GRIA4: variants seen among roughly 807,000 people sequenced by gnomAD.
GRIA4 encodes glutamate receptor 4.
A neutral mutation model predicts 104.0 loss-of-function variants in GRIA4; 34 were observed. The ratio of observed to expected loss-of-function variants is 0.33; its 90% CI spans 0.25 to 0.44. The LOEUF is 0.44. Among genes scored for constraint, GRIA4 ranks in the 20% least tolerant of loss-of-function variants. The pLI is 1.00. For synonymous variants in GRIA4, 386 were observed against 381.9 expected, an observed-to-expected ratio of 1.01 and a Z score of -0.13; for missense variants, 750 against 1,096.5, an observed-to-expected ratio of 0.68 and a Z score of 4.46.
At chr11:105,850,938 C>A (rs1944785329) in intron 4 of GRIA4, among the ~76,000 whole-genome samples, 1 of 151,978 alleles carries the variant, frequency 6.6e-6, no homozygotes, top group South Asian at 2.1e-4. Context: ...GTATTATAGA[C>A]CATATCATGA....
chr11:105,791,898 A>C (rs1174412930), intron 4 of GRIA4, among the ~76,000 whole-genome samples: 8 of 152,168 alleles, frequency 5.3e-5, no homozygotes, highest in African/African-American at 1.9e-4. Context: ...CAGGATGACA[A>C]ATAGGAAATG....
intron 11 of GRIA4, 48 bp downstream of exon 11, chr11:105,918,966 T>G: frequency 9.1e-7 from 1 of 1,099,250 alleles, no homozygotes. Context: ...CACCTGAAAC[T>G]TCTTTTCCCT....
chr11:105,887,441 C>T, intron 5 of GRIA4, 78 bp from the exon 6 acceptor site: 1 of 658,018 alleles, frequency 1.5e-6, no homozygotes, highest in Non-Finnish European at 2.6e-6. Context: ...TGGAATTATG[C>T]TAAAATAGAT....
At chr11:105,840,883 A>G (rs1383288415) in intron 4 of GRIA4, among the ~76,000 whole-genome samples, 2 of 152,124 alleles carry the variant, frequency 1.3e-5, no homozygotes, top group Non-Finnish European at 2.9e-5. Flanking sequence ...AAAGGTTTTG[A>G]CCTTTCTTTA....
chr11:105,675,925 G>A (rs574117417), intron 3 of GRIA4, among the ~76,000 whole-genome samples: 26 of 151,824 alleles, frequency 1.7e-4, no homozygotes, highest in East Asian at 1.4e-3. Context: ...CTAGTCTGGC[G>A]TTAGTAATTC....
At chr11:105,655,295 CTT>C (rs371822907) in intron 3 of GRIA4, among the ~76,000 whole-genome samples, 2 of 152,166 alleles carry the variant, frequency 1.3e-5, no homozygotes, top group African/African-American at 4.8e-5. Flanking sequence ...ATTTTGAAGA[CTT>C]TGAGTAGTTA....
At chr11:105,853,548 T>C (rs1944896246) in intron 4 of GRIA4, among the ~76,000 whole-genome samples, 1 of 152,158 alleles carries the variant, frequency 6.6e-6, no homozygotes, top group African/African-American at 2.4e-5. Flanking sequence ...AGTTTTCAGC[T>C]CATTCCGATG....
chr11:105,837,795 A>G (rs1352974833), intron 4 of GRIA4, among the ~76,000 whole-genome samples: 1 of 152,174 alleles, frequency 6.6e-6, no homozygotes, highest in African/African-American at 2.4e-5. Context: ...TAAGACAAAA[A>G]TATTGAAAAT....
At chr11:105,625,247 C>T (rs986272002) in intron 3 of GRIA4, among the ~76,000 whole-genome samples, 8 of 152,070 alleles carry the variant, frequency 5.3e-5, no homozygotes, top group Non-Finnish European at 1.0e-4. Context: ...AGGCCTATTA[C>T]AGTGTCTGGA....
At position 105,667,103 on chromosome 11, in the gene GRIA4, T is replaced by A. The variant is rs549644555; in HGVS notation, c.247+54669T>A. Among the ~76,000 whole-genome samples the A allele has an allele frequency of 2.0e-5, 3 of 152,132 alleles. No individual in the cohort carries two copies. The East Asian group carries it at 5.8e-4, about 29-fold the overall frequency. On this transcript the variant is annotated intron_variant, in intron 3 of 16. Transcript: ENST00000282499. ...TCAGAGCCAGTTAAAATACACATTC[T>A]GTGGACAAGATAATTCAACTCAGAA...
At chr11:105,882,147 T>C (rs1565312665) in intron 5 of GRIA4, among the ~76,000 whole-genome samples, 2 of 152,176 alleles carry the variant, frequency 1.3e-5, no homozygotes, top group Non-Finnish European at 2.9e-5. Flanking sequence ...CTCATGACAA[T>C]AAGTTGTCAG....
At chr11:105,796,238 C>G (rs1283109445) in intron 4 of GRIA4, among the ~76,000 whole-genome samples, 3 of 152,160 alleles carry the variant, frequency 2.0e-5, no homozygotes, top group Non-Finnish European at 2.9e-5. Flanking sequence ...TTTGGCAAGA[C>G]TGTCCAAATG....
At chr11:105,947,021 G>C (rs1457314078) in intron 14 of GRIA4, among the ~76,000 whole-genome samples, 4 of 152,280 alleles carry the variant, frequency 2.6e-5, no homozygotes, top group Non-Finnish European at 5.9e-5. Context: ...TTTTGTTAGA[G>C]GTTATTGTTT....
chr11:105,779,837 G>A (rs1941646243), intron 4 of GRIA4, among the ~76,000 whole-genome samples: 1 of 151,994 alleles, frequency 6.6e-6, no homozygotes. Flanking sequence ...GCTAACTATA[G>A]AAGAATAAAA....
intron 4 of GRIA4, among the ~76,000 whole-genome samples, chr11:105,813,001 G>A (rs1196691251): frequency 6.7e-6 from 1 of 148,804 alleles, no homozygotes; most frequent in Non-Finnish European, 1.5e-5. Flanking sequence ...GGCTGAGGCA[G>A]GAAAATGGCG....
intron 3 of GRIA4, among the ~76,000 whole-genome samples, chr11:105,697,101 T>C (rs1953307560): frequency 6.6e-6 from 1 of 152,168 alleles, no homozygotes; most frequent in Admixed American, 6.5e-5. Context: ...GAAATAGCTA[T>C]TGTTTGTATT....
At chr11:105,970,678 T>C (rs567240220) in intron 14 of GRIA4, among the ~76,000 whole-genome samples, 2 of 152,206 alleles carry the variant, frequency 1.3e-5, no homozygotes, top group Non-Finnish European at 2.9e-5. Context: ...ATGCATGTCT[T>C]GTAACTCCAG....
intron 10 of GRIA4, chr11:105,912,509 A>G (rs1485467366): frequency 5.5e-6 from 3 of 545,260 alleles, no homozygotes; most frequent in Non-Finnish European, 7.0e-6. Flanking sequence ...GACTGAAAAA[A>G]TCCAACTGTT....
intron 3 of GRIA4, among the ~76,000 whole-genome samples, chr11:105,676,765 G>A (rs1055413977): frequency 4.6e-5 from 7 of 151,382 alleles, no homozygotes; most frequent in South Asian, 2.1e-4. Flanking sequence ...GCATGCACAG[G>A]TTAACCATGA....
Sources: allele counts gnomAD v4.1 joint callset (sites outside exome capture counted in the v4.1 genomes callset), GRCh38; gene constraint gnomAD v4.1.1; transcripts MANE v1.5; gene names NCBI Gene and HGNC (gene_info 2026-07-23, HGNC 2026-07-21).